The following SLC38A6 variants were observed in gnomAD, a reference collection of about 807,000 sequenced individuals.
SLC38A6 encodes solute carrier family 38 member 6, also known as N system amino acid transporter NAT-1.
Under a neutral mutation model 65.0 loss-of-function variants are expected in SLC38A6, and 73 were observed. The ratio of observed to expected loss-of-function variants is 1.12; its 90% CI spans 0.93 to 1.37. SLC38A6 has a LOEUF of 1.37. Among genes scored for constraint, SLC38A6 ranks in the 40% most tolerant of loss-of-function variants. The pLI is 0.00. For synonymous variants in SLC38A6, 183 were observed against 178.8 expected (o/e 1.02, Z -0.19); for missense variants, 561 against 531.1 (o/e 1.06, Z -0.55).
intron 3 of SLC38A6, among the ~76,000 whole-genome samples, chr14:61,015,535 A>G (rs1332456175): frequency 1.4e-5 from 2 of 141,976 alleles, no homozygotes; most frequent in Non-Finnish European, 3.1e-5. Flanking sequence ...ATAGAGAAAC[A>G]TAATAAAAGA....
intron 15 of SLC38A6, among the ~76,000 whole-genome samples, chr14:61,075,777 T>TTGTGTGTGTG (rs57421102): frequency 1.1e-4 from 13 of 123,392 alleles, no homozygotes; most frequent in East Asian, 2.5e-4. Context: ...ATCAACCTGT[T>TTGTGTGTGTG]TGTGTGTGTG....
chr14:61,000,877 C>G (rs908914286), intron 3 of SLC38A6, among the ~76,000 whole-genome samples: 1 of 152,160 alleles, frequency 6.6e-6, no homozygotes, highest in Non-Finnish European at 1.5e-5. Context: ...GACTGAAAGG[C>G]AATAGATATG....
At chr14:61,081,309 T>G (rs1346709313) in intron 16 of SLC38A6, among the ~76,000 whole-genome samples, 1 of 152,242 alleles carries the variant, frequency 6.6e-6, no homozygotes, top group Non-Finnish European at 1.5e-5. Flanking sequence ...ATTATTCTAC[T>G]TTGACCAGTG....
At chr14:61,014,767 G>A (rs953820744) in intron 3 of SLC38A6, among the ~76,000 whole-genome samples, 8 of 152,284 alleles carry the variant, frequency 5.3e-5, no homozygotes, top group East Asian at 1.9e-4. Context: ...AGGAGTACCC[G>A]GCCGTGTGAG....
intron 3 of SLC38A6, among the ~76,000 whole-genome samples, chr14:60,994,197 G>A (rs923093122): frequency 6.6e-6 from 1 of 152,220 alleles, no homozygotes; most frequent in African/African-American, 2.4e-5. Flanking sequence ...TTCCTCAGAA[G>A]TGAAAGAATT....
At chr14:61,015,390 T>G (rs180923583) in intron 3 of SLC38A6, among the ~76,000 whole-genome samples, 5 of 152,260 alleles carry the variant, frequency 3.3e-5, no homozygotes, top group African/African-American at 1.2e-4. Flanking sequence ...CCCACTGTCC[T>G]GCACCCACTG....
At chr14:61,002,406 C>T (rs1032961100) in intron 3 of SLC38A6, among the ~76,000 whole-genome samples, 7 of 152,106 alleles carry the variant, frequency 4.6e-5, no homozygotes. Flanking sequence ...AATAAGGGTA[C>T]ATTCCCAATG....
At chr14:61,012,453 T>C (rs7140600) in intron 3 of SLC38A6, among the ~76,000 whole-genome samples, 129,398 of 151,896 alleles carry the variant, frequency 0.85, 56,508 homozygotes, top group Non-Finnish European at 0.96. Flanking sequence ...CTCTTGCTTC[T>C]CTAGTTCTTT....
At position 61,002,932 on chromosome 14, in the gene SLC38A6, G is replaced by C. The variant is rs142273333; in HGVS notation, c.311-12972G>C. On this transcript the variant is annotated intron_variant, in intron 3 of 15. Coordinates refer to ENST00000267488, the MANE Select transcript of SLC38A6 (RefSeq NM_153811.3). ...AATTACTGTTATTCCTGTTCTGTAG[G>C]AATATGCTATTAATGTAACTGGACA... 7.1e-3 allele frequency among the ~76,000 whole-genome samples: 1,078 copies of C among 152,066 alleles called. 13 individuals are homozygous for C. The highest frequency in any genetic ancestry group is 0.025 in the African/African-American group (1,026 of 41,502).
At chr14:60,990,478 A>G (rs2037780736) in intron 3 of SLC38A6, among the ~76,000 whole-genome samples, 1 of 151,956 alleles carries the variant, frequency 6.6e-6, no homozygotes, top group Non-Finnish European at 1.5e-5. Flanking sequence ...CCCCATCTTT[A>G]TACTACCAAT....
At chr14:61,019,720 CTTT>C in intron 5 of SLC38A6, 140 bp downstream of exon 5, 2 of 609,936 alleles carry the variant, frequency 3.3e-6, no homozygotes, top group Non-Finnish European at 5.4e-6. Flanking sequence ...CCTCTTTACT[CTTT>C]TTTTTTTTGG....
At chr14:61,064,993 A>G (rs1199468224) in intron 15 of SLC38A6, among the ~76,000 whole-genome samples, 1 of 152,162 alleles carries the variant, frequency 6.6e-6, no homozygotes, top group East Asian at 1.9e-4. Flanking sequence ...GAATGGGGGT[A>G]ATTCACACCT....
Position 61,040,904 on chromosome 14 carries a change from T to C in SLC38A6, c.625-2243T>C, listed in dbSNP as rs80173536. On this transcript the variant is annotated intron_variant, in intron 8 of 15. Transcript: ENST00000267488. ...TAGTCTTAAGGATCTGTCAATCTAG[T>C]AGGGGAGATAAATTTCTTTTCAAAC... 2.2e-3 allele frequency among the ~76,000 whole-genome samples: 334 copies of C among 152,240 alleles called. 2 individuals are homozygous for C. The highest frequency in any genetic ancestry group is 6.9e-3 in the African/African-American group (285 of 41,544).
At chr14:61,069,758 G>A (rs1044366188) in intron 15 of SLC38A6, among the ~76,000 whole-genome samples, 4 of 151,954 alleles carry the variant, frequency 2.6e-5, no homozygotes, top group Admixed American at 2.0e-4. Flanking sequence ...TTTGTATTCA[G>A]TTTTTGAGTG....
In SLC38A6 at chr14:61,079,019, A is replaced by G. The variant is rs143015923; in HGVS notation, c.1408+92A>G. 176 of 153,352 alleles carry G rather than the reference A, an allele frequency of 1.1e-3. No individual in the cohort carries two copies. In the East Asian group the frequency reaches 0.024, roughly 21 times the overall value. 9.5% of individuals were successfully genotyped at this position (153,352 alleles called of 1,614,324 possible). A position where few individuals can be genotyped will look rare whatever the true frequency, so the allele number is the denominator to read the frequency against. On this transcript the variant is annotated intron_variant, in intron 16 of 16. Coordinates refer to the SLC38A6 transcript ENST00000354886. Reference sequence around the variant, plus strand: ...AGGCTAGTCTCGAACTCCTGAGCTCAAGCAATCCGCCCACTTTGGCCTCCC... The same window carrying G: ...AGGCTAGTCTCGAACTCCTGAGCTCGAGCAATCCGCCCACTTTGGCCTCCC...
intron 5 of SLC38A6, among the ~76,000 whole-genome samples, chr14:61,027,742 TGCTA>T (rs33964179): frequency 0.93 from 141,258 of 151,656 alleles, 66,179 homozygotes; most frequent in Non-Finnish European, 0.99. Context: ...TGTGTTAAAG[TGCTA>T]GCTAGTTCTT....
At chr14:61,006,442 T>A (rs2139425755) in intron 3 of SLC38A6, among the ~76,000 whole-genome samples, 1 of 152,266 alleles carries the variant, frequency 6.6e-6, no homozygotes, top group East Asian at 1.9e-4. Flanking sequence ...GACAAAGGGC[T>A]AATATCTAGA....
rs773578522 is a variant in SLC38A6, at chr14:61,079,691, A to T, written c.1408+764A>T. Among the ~76,000 whole-genome samples the T allele has an allele frequency of 2.0e-5, 3 of 152,288 alleles. No homozygotes were observed. The East Asian group carries it at 5.8e-4, about 29-fold the overall frequency. On this transcript the variant is annotated intron_variant, in intron 16 of 16. Transcript: ENST00000354886. ...GTCTAACCACCCTGCGACAGCCTTTAGGAAAGGTTCCACATCTGCCAACTC... is the reference window on the plus strand; with the variant it reads ...GTCTAACCACCCTGCGACAGCCTTTTGGAAAGGTTCCACATCTGCCAACTC...
chr14:61,069,803 A>G lies in SLC38A6; in HGVS notation c.1291-9007A>G, dbSNP rs562570884. 3.3e-5 allele frequency among the ~76,000 whole-genome samples: 5 copies of G among 152,260 alleles called. No individual in the cohort carries two copies. In the South Asian group the frequency reaches 1.0e-3, roughly 32 times the overall value. ...CACATGGTACAGATTTTAAATTTAC[A>G]AAAATACCCTCCCATCCAATTCTAT... On this transcript the variant is annotated intron_variant, in intron 15 of 16. Transcript: ENST00000354886.
Sources: allele counts gnomAD v4.1 joint callset (sites outside exome capture counted in the v4.1 genomes callset), GRCh38; gene constraint gnomAD v4.1.1; transcripts MANE v1.5; gene names NCBI Gene and HGNC (gene_info 2026-07-23, HGNC 2026-07-21).